The following MAP4K3 variants were observed in gnomAD, a reference collection of about 807,000 sequenced individuals.
MAP4K3 encodes MAPK/ERK kinase kinase kinase 3.
Under a neutral mutation model 143.5 loss-of-function variants are expected in MAP4K3, and 94 were observed. The ratio of observed to expected loss-of-function variants is 0.65; its 90% confidence interval spans 0.55 to 0.78. The LOEUF (loss-of-function observed/expected upper bound fraction) is 0.78, where lower values mean the gene tolerates loss of function less well. Ranked by LOEUF, MAP4K3 falls within the 30% of genes least tolerant of loss-of-function variation. The pLI, the probability that MAP4K3 is intolerant of heterozygous loss-of-function variation, is 0.00. For missense variants in MAP4K3, 1,077 were observed against 1,068.1 expected (o/e 1.01, Z -0.12); for synonymous variants, 416 against 347.2 (o/e 1.20, Z -2.20).
chr2:39,299,238 G>C (rs778344140), intron 16 of MAP4K3, among the ~76,000 whole-genome samples: 18 of 151,872 alleles, frequency 1.2e-4, no homozygotes, highest in South Asian at 6.2e-4. Context: ...GTGTAGAAGA[G>C]GCATTAAATA....
intron 2 of MAP4K3, among the ~76,000 whole-genome samples, chr2:39,359,842 A>C (rs1665716705): frequency 1.3e-5 from 2 of 152,218 alleles, no homozygotes; most frequent in Non-Finnish European, 2.9e-5. Context: ...CAGAGCACCA[A>C]GTCCCTAGGC....
chr2:39,293,279 AAAAC>A lies in MAP4K3; in HGVS notation c.1179-15_1179-12del, dbSNP rs1558627802. On this transcript the variant is annotated splice_polypyrimidine_tract_variant and intron_variant, in intron 16 of 33. Coordinates refer to ENST00000263881, the MANE Select transcript of MAP4K3 (RefSeq NM_003618.4). ...GACTTGAGAAGACTCCTTAAAAGAA[AAAAC>A]AAAAACAAAAAATAATGTGAATAAA... 1 of 1,450,606 alleles carries A rather than the reference AAAAC, an allele frequency of 6.9e-7. No individual in the cohort carries two copies. The allele number at this position is 1,450,606 out of a possible 1,614,324, so 89.9% of individuals were successfully genotyped here. A position where few individuals can be genotyped will look rare whatever the true frequency, so the allele number is the denominator to read the frequency against.
chr2:39,369,836 G>A (rs565924763), intron 2 of MAP4K3, among the ~76,000 whole-genome samples: 48 of 152,296 alleles, frequency 3.2e-4, no homozygotes, highest in Non-Finnish European at 5.4e-4. Flanking sequence ...AATAGTCAAA[G>A]GCGGATCTTC....
At chr2:39,358,124 A>G (rs1665662689) in intron 2 of MAP4K3, among the ~76,000 whole-genome samples, 1 of 152,236 alleles carries the variant, frequency 6.6e-6, no homozygotes. Context: ...ATACCTGTAC[A>G]TGACCAATAA....
At chr2:39,400,407 A>G (rs1666921191) in intron 1 of MAP4K3, among the ~76,000 whole-genome samples, 1 of 152,208 alleles carries the variant, frequency 6.6e-6, no homozygotes, top group East Asian at 1.9e-4. Context: ...ATTTGCAACA[A>G]TAATTAACAA....
intron 2 of MAP4K3, among the ~76,000 whole-genome samples, chr2:39,377,201 C>CTTTTTT (rs56149359): frequency 1.8e-5 from 2 of 110,588 alleles, no homozygotes; most frequent in Admixed American, 1.1e-4. Flanking sequence ...GCTATTTGGC[C>CTTTTTT]TTTTTTTTTT....
intron 12 of MAP4K3, among the ~76,000 whole-genome samples, chr2:39,321,326 CA>C (rs879130352): frequency 2.0e-5 from 3 of 152,138 alleles, no homozygotes; most frequent in Non-Finnish European, 4.4e-5. Context: ...TGTGCTGTGT[CA>C]AACTCAGGGT....
chr2:39,407,677 T>A (rs1667133275), intron 1 of MAP4K3, among the ~76,000 whole-genome samples: 1 of 152,134 alleles, frequency 6.6e-6, no homozygotes, highest in Non-Finnish European at 1.5e-5. Flanking sequence ...GCTAAAGTGA[T>A]CCTCTCATCT....
intron 1 of MAP4K3, among the ~76,000 whole-genome samples, chr2:39,421,890 T>C (rs771961906): frequency 6.6e-6 from 1 of 152,166 alleles, no homozygotes; most frequent in African/African-American, 2.4e-5. Context: ...CAAACTTTCA[T>C]TCTATCTCTT....
intron 13 of MAP4K3, among the ~76,000 whole-genome samples, chr2:39,314,219 G>C (rs899928205): frequency 4.0e-5 from 6 of 151,416 alleles, no homozygotes; most frequent in Non-Finnish European, 8.9e-5. Flanking sequence ...ATGTAGAGAC[G>C]GAGTTTCGCC....
chr2:39,436,919 G>A lies in MAP4K3; in HGVS notation c.69C>T (p.Gly23=). The change falls in exon 1 of 34, where the codon GGC becomes GGT. Residue 23 remains glycine, a synonymous_variant. Coordinates refer to ENST00000263881, the MANE Select transcript of MAP4K3 (RefSeq NM_003618.4). The part of the protein sequence containing the change: ...QEDFELIQRI[G]SGTYGDVYKA... ...TGTAGACGTCGCCGTAGGTGCCGCT[G>A]CCGATGCGCTGAATCAGCTCGAAGT... 6.2e-7 allele frequency: 1 copy of A among 1,612,520 alleles called. No homozygotes were observed. Among genetic ancestry groups the A allele is most frequent in the South Asian group, 1.1e-5 (1 of 90,984 alleles).
chr2:39,367,697 G>A (rs969905386), intron 2 of MAP4K3, among the ~76,000 whole-genome samples: 3 of 152,106 alleles, frequency 2.0e-5, no homozygotes, highest in Non-Finnish European at 4.4e-5. Flanking sequence ...TCCAACCTGG[G>A]CAACATAGTG....
In MAP4K3 at chr2:39,258,553, T is replaced by A; in HGVS notation, c.2343A>T (p.Gln781His). Residue 781 changes from glutamine (Q) to histidine (H), a missense_variant, in exon 30 of 34, where the codon CAA becomes CAT. By Grantham distance (24) the Gln-to-His change is conservative. Coordinates refer to ENST00000263881, the MANE Select transcript of MAP4K3 (RefSeq NM_003618.4). The part of the protein sequence containing the change: ...TPQTNVTHVT[Q>H]LERDTILVCL... ...ATACAAGGATGGTATCTCTCTCCAG[T>A]TGGGTTACATGAGTAACATTTGTCT... 1 of 1,613,836 alleles carries A rather than the reference T, an allele frequency of 6.2e-7. No individual in the cohort carries two copies.
In MAP4K3 at chr2:39,384,299, A is replaced by G. The variant is rs375850510; in HGVS notation, c.97-6176T>C. On this transcript the variant is annotated intron_variant, in intron 1 of 33. Coordinates refer to ENST00000263881, the MANE Select transcript of MAP4K3 (RefSeq NM_003618.4). ...CGTGGCTCATGCCTGTAACCTCAGCACTTTGGGAGGCCGAGGTAGGCGGAT... is the reference window on the plus strand; with the variant it reads ...CGTGGCTCATGCCTGTAACCTCAGCGCTTTGGGAGGCCGAGGTAGGCGGAT... Among the ~76,000 whole-genome samples, 5 of 152,218 alleles carry G rather than the reference A, an allele frequency of 3.3e-5. No homozygotes were observed. In the East Asian group the frequency reaches 9.7e-4, roughly 29 times the overall value.
At chr2:39,342,007 G>A (rs764178169) in intron 4 of MAP4K3, among the ~76,000 whole-genome samples, 2 of 151,498 alleles carry the variant, frequency 1.3e-5, no homozygotes, top group Non-Finnish European at 1.5e-5. Flanking sequence ...CTCCCTATTC[G>A]ACCCCACACC....
chr2:39,287,940 GGGA>G (rs1329229334), intron 20 of MAP4K3, among the ~76,000 whole-genome samples, 178 bp downstream of exon 20: 37 of 152,206 alleles, frequency 2.4e-4, no homozygotes, highest in African/African-American at 8.9e-4. Flanking sequence ...CTGTGTCATA[GGGA>G]ATCCTGTCAT....
At chr2:39,263,279 T>G (rs900656392) in intron 28 of MAP4K3, among the ~76,000 whole-genome samples, 13 of 150,152 alleles carry the variant, frequency 8.7e-5, no homozygotes, top group Admixed American at 4.0e-4. Context: ...GAAGTTTTTT[T>G]TTTTTTTTTT....
intron 7 of MAP4K3, among the ~76,000 whole-genome samples, chr2:39,332,395 C>T (rs779755595): frequency 2.3e-4 from 35 of 151,986 alleles, no homozygotes; most frequent in Non-Finnish European, 7.4e-5. Context: ...TCTCCATACC[C>T]ATGATTGACA....
chr2:39,366,393 C>T (rs375337015), intron 2 of MAP4K3, among the ~76,000 whole-genome samples: 76 of 152,106 alleles, frequency 5.0e-4, no homozygotes, highest in African/African-American at 1.6e-3. Context: ...TAAGGGGTTG[C>T]GGAGACCAAG....
Sources: allele counts gnomAD v4.1 joint callset (sites outside exome capture counted in the v4.1 genomes callset), GRCh38; gene constraint gnomAD v4.1.1; transcripts MANE v1.5; gene names NCBI Gene and HGNC (gene_info 2026-07-23, HGNC 2026-07-21).